CARD10: variants seen among roughly 807,000 people sequenced by gnomAD.
CARD10 encodes the protein caspase recruitment domain-containing protein 10.
Under a neutral mutation model 114.6 loss-of-function variants are expected in CARD10, and 49 were observed. That is an observed-to-expected ratio of 0.43 (90% CI 0.34 to 0.54). The LOEUF (loss-of-function observed/expected upper bound fraction) is 0.54. Among genes scored for constraint, CARD10 ranks in the 20% least tolerant of loss-of-function variants. The pLI, the probability that CARD10 is intolerant of heterozygous loss-of-function variation, is 0.03. For synonymous variants in CARD10, 602 were observed against 593.2 expected (o/e 1.01, Z -0.21); for missense variants, 1,206 against 1,397.2 (o/e 0.86, Z 2.18).
intron 6 of CARD10, among the ~76,000 whole-genome samples, chr22:37,506,914 A>G (rs921863828): frequency 1.3e-5 from 2 of 152,236 alleles, no homozygotes; most frequent in Non-Finnish European, 2.9e-5. Flanking sequence ...CACCTGAATC[A>G]GAACGTCCAG....
At position 37,501,470 on chromosome 22, in the gene CARD10, G is replaced by A. The variant is rs986359892; in HGVS notation, c.1787+1132C>T. Reference sequence around the variant, plus strand: ...ATGTCTCGCTGAGCCCACTGCCGGGGGCCAGGTGGGGGCAGGGCCTGGACA... The same window carrying A: ...ATGTCTCGCTGAGCCCACTGCCGGGAGCCAGGTGGGGGCAGGGCCTGGACA... On this transcript the variant is annotated intron_variant, in intron 11 of 19. Coordinates refer to ENST00000251973, the MANE Select transcript of CARD10 (RefSeq NM_014550.4). The surrounding 1 kb of genome is among the most constrained non-coding windows in gnomAD (Gnocchi z 5.4). Among the ~76,000 whole-genome samples the A allele has an allele frequency of 6.6e-6, 1 of 152,310 alleles. No individual in the cohort carries two copies. Among genetic ancestry groups the A allele is most frequent in the Admixed American group, 6.5e-5 (1 of 15,308 alleles).
intron 7 of CARD10, among the ~76,000 whole-genome samples, chr22:37,504,999 A>G (rs1923356244): frequency 6.6e-6 from 1 of 151,970 alleles, no homozygotes; most frequent in African/African-American, 2.4e-5. Context: ...ACACACAAAG[A>G]CCCCACCCAG....
Position 37,495,827 on chromosome 22 carries a change from A to G in CARD10, c.2236T>C (p.Phe746Leu). ...GTGAGGGGGTCAACCCGGGTGCAGA[A>G]CCATTCCTGCCTCCGCTTGTATGCC... is the stretch of plus-strand genomic sequence containing the variant. ...DSAYKRRQEW[F>L]CTRVDPLTLR... The change falls in exon 14 of 20, where the codon TTC (phenylalanine) becomes CTC (leucine). Residue 746 changes from phenylalanine to leucine, a missense_variant. Physicochemically the swap from Phe to Leu is conservative, Grantham distance 22 (BLOSUM62 0). Coordinates refer to ENST00000251973, the MANE Select transcript of CARD10 (RefSeq NM_014550.4). The G allele has an allele frequency of 6.2e-7, 1 of 1,613,992 alleles. No homozygotes were observed. Among genetic ancestry groups the G allele is most frequent in the African/African-American group, 1.3e-5 (1 of 75,046 alleles).
At chr22:37,517,597 G>A (rs1167017138) in intron 2 of CARD10, among the ~76,000 whole-genome samples, 2 of 151,962 alleles carry the variant, frequency 1.3e-5, no homozygotes, top group African/African-American at 2.4e-5. Flanking sequence ...AGCTGAGATC[G>A]CGCCACTGCA....
chr22:37,516,479 G>T (rs533934245), intron 2 of CARD10, among the ~76,000 whole-genome samples, 181 bp from the exon 3 acceptor site: 16 of 152,188 alleles, frequency 1.1e-4, no homozygotes, highest in African/African-American at 3.9e-4. Flanking sequence ...AGTTATAAGA[G>T]AAAAAAGATG....
At position 37,493,783 on chromosome 22, in the gene CARD10, C is replaced by T. The variant is rs558148667; in HGVS notation, c.2476+303G>A. On this transcript the variant is annotated intron_variant, in intron 16 of 19. Transcript: ENST00000251973. ...TCCTCACAGCACCTGCCACCACACA[C>T]GTGTGAGAAGCACCACTACACACAC... 5.9e-5 allele frequency among the ~76,000 whole-genome samples: 9 copies of T among 152,326 alleles called. No individual in the cohort carries two copies. In the South Asian group the frequency reaches 1.0e-3, roughly 18 times the overall value.
chr22:37,497,660 G>A (rs913141951), intron 11 of CARD10, among the ~76,000 whole-genome samples: 1 of 152,010 alleles, frequency 6.6e-6, no homozygotes, highest in African/African-American at 2.4e-5. Context: ...TCAGGAGTTC[G>A]AGACCAGCCT....
In CARD10 at chr22:37,495,885, C is replaced by T. The variant is rs1332610568; in HGVS notation, c.2178G>A (p.Val726=). 6 of 1,614,050 alleles carry T rather than the reference C, an allele frequency of 3.7e-6. No individual in the cohort carries two copies. The African/African-American group carries it at 4.0e-5, about 11-fold the overall frequency. Reference sequence around the variant, plus strand: ...CCAGTCGAAGGATCTCTTGGGCTTTCACGCAAAGGGCATGGGGATCTGCCC... The same window carrying T: ...CCAGTCGAAGGATCTCTTGGGCTTTTACGCAAAGGGCATGGGGATCTGCCC... ...PERADPHALC[V]KAQEILRLVD... The change falls in exon 14 of 20, where the codon GTG becomes GTA. Residue 726 remains valine, a synonymous_variant. Coordinates refer to ENST00000251973, the MANE Select transcript of CARD10 (RefSeq NM_014550.4).
intron 10 of CARD10, 70 bp downstream of exon 10, chr22:37,503,115 C>T: frequency 4.0e-6 from 6 of 1,513,412 alleles, no homozygotes; most frequent in Non-Finnish European, 5.5e-6. Context: ...GTGGTGCAGG[C>T]TTCAGGTGGG....
At chr22:37,506,161 G>T (rs758776360) in intron 7 of CARD10, 31 bp downstream of exon 7, 1 of 1,420,164 alleles carries the variant, frequency 7.0e-7, no homozygotes, top group Non-Finnish European at 9.2e-7. Context: ...CAGCCTTCCT[G>T]CCAGGACCTC....
rs1484653307 is a variant in CARD10, at chr22:37,510,299, T to C, written c.822A>G (p.Pro274=). Residue 274 remains proline, a synonymous_variant, in exon 4 of 20, where the codon CCA becomes CCG. Transcript: ENST00000251973. ...GCTCAGAGACAAGGTCCACATTGTC[T>C]GGCTCCTTCTCCTTCTCCTTCTCCT... ...KEKEKEKEKE[P]DNVDLVSELR... 6.3e-7 allele frequency: 1 copy of C among 1,584,160 alleles called. No individual in the cohort carries two copies.
Position 37,519,343 on chromosome 22 carries a change from C to T in CARD10, c.-143G>A. The T allele has an allele frequency of 7.6e-7, 1 of 1,309,614 alleles. No homozygotes were observed. The highest frequency in any genetic ancestry group is 9.7e-7 in the Non-Finnish European group (1 of 1,031,548). 81.1% of individuals were successfully genotyped at this position (1,309,614 alleles called of 1,614,324 possible). A position where few individuals can be genotyped will look rare whatever the true frequency, so the allele number is the denominator to read the frequency against. ...GCGCCCCGAGCTCCCCGCGACTCACCCCGCACGCTACAGTCGCCTCGGGCT... is the reference window on the plus strand; with the variant it reads ...GCGCCCCGAGCTCCCCGCGACTCACTCCGCACGCTACAGTCGCCTCGGGCT... On this transcript the variant is annotated 5_prime_UTR_variant, in exon 1 of 20. Coordinates refer to ENST00000251973, the MANE Select transcript of CARD10 (RefSeq NM_014550.4). This position sits in a 1 kb window ranked among gnomAD's most constrained non-coding sequence, Gnocchi z 4.1.
intron 11 of CARD10, 159 bp from the exon 12 acceptor site, chr22:37,497,337 C>T: frequency 1.5e-6 from 1 of 687,436 alleles, no homozygotes; most frequent in Non-Finnish European, 2.4e-6. Context: ...CCTTCTCCAC[C>T]TGGGAAATGC....
rs1385292687 is a variant in CARD10, at chr22:37,518,865, C to T, written c.235+101G>A. The T allele has an allele frequency of 9.5e-6, 13 of 1,370,002 alleles. No homozygotes were observed. In the East Asian group the frequency reaches 3.6e-4, roughly 38 times the overall value. 84.9% of individuals were successfully genotyped at this position (1,370,002 alleles called of 1,614,324 possible). On this transcript the variant is annotated intron_variant, in intron 1 of 19. Transcript: ENST00000251973. Reference sequence around the variant, plus strand: ...ACTCTACTGATGCGGAGACCGAGCCCCAGGGCAGCAGAGCCCTAGCTTCGC... The same window carrying T: ...ACTCTACTGATGCGGAGACCGAGCCTCAGGGCAGCAGAGCCCTAGCTTCGC...
chr22:37,506,086 T>A, intron 7 of CARD10, 106 bp downstream of exon 7: 4 of 877,090 alleles, frequency 4.6e-6, no homozygotes, highest in Non-Finnish European at 6.5e-6. Flanking sequence ...CTTCCTCCCC[T>A]GGCTGAGGTC....
rs2145748471 is a variant in CARD10 at position 37,491,299 on chromosome 22, C to T, written c.2959G>A (p.Val987Met). The part of the protein sequence containing the change: ...QVLWGLPCSW[V>M]QVPAHEWGHA... ...CCCCACTCATGGGCGGGCACCTGCACCCAGGAGCAGGGCAGCCCCCAGAGC... is the reference window on the plus strand; with the variant it reads ...CCCCACTCATGGGCGGGCACCTGCATCCAGGAGCAGGGCAGCCCCCAGAGC... The change falls in exon 20 of 20, where the codon GTG (valine) becomes ATG (methionine). Residue 987 changes from valine (V) to methionine (M), a missense_variant. Around this residue, in one of 2 missense-constraint regions of CARD10, gnomAD observed 1,068 missense variants for 1,179.1 expected, o/e 0.91. Coordinates refer to ENST00000251973, the MANE Select transcript of CARD10 (RefSeq NM_014550.4). The T allele has an allele frequency of 6.4e-6, 10 of 1,567,794 alleles. No homozygotes were observed. Among genetic ancestry groups the T allele is most frequent in the Non-Finnish European group, 8.6e-6 (10 of 1,162,876 alleles).
Position 37,506,301 on chromosome 22 carries a change from C to A in CARD10, c.1274G>T (p.Gly425Val), listed in dbSNP as rs1332998819. Residue 425 changes from glycine to valine, a missense_variant, in exon 7 of 20, where the codon GGC becomes GTC. Coordinates refer to ENST00000251973, the MANE Select transcript of CARD10 (RefSeq NM_014550.4). Reference sequence around the variant, plus strand: ...CAGCTCATCCCGCTCCGCCTCCAGGCCCCGCACCTGCTTGCGGTACTGGTC... The same window carrying A: ...CAGCTCATCCCGCTCCGCCTCCAGGACCCGCACCTGCTTGCGGTACTGGTC... ...EKDQYRKQVR[G>V]LEAERDELLT... is the part of the protein sequence containing the mutation. 3 of 1,610,998 alleles carry A rather than the reference C, an allele frequency of 1.9e-6. No individual in the cohort carries two copies. Among genetic ancestry groups the A allele is most frequent in the African/African-American group, 2.7e-5 (2 of 75,034 alleles).
chr22:37,506,156 T>C (rs1923398274), intron 7 of CARD10, 36 bp downstream of exon 7: 1 of 1,406,464 alleles, frequency 7.1e-7, no homozygotes, highest in Non-Finnish European at 9.2e-7. Flanking sequence ...GACCCCAGCC[T>C]TCCTGCCAGG....
intron 3 of CARD10, among the ~76,000 whole-genome samples, chr22:37,514,987 G>A (rs780121359): frequency 3.3e-5 from 5 of 152,224 alleles, no homozygotes; most frequent in Admixed American, 6.5e-5. Flanking sequence ...GGGAGTAGGC[G>A]GAACAGCAGC....
Sources: allele counts gnomAD v4.1 joint callset (sites outside exome capture counted in the v4.1 genomes callset), GRCh38; gene constraint gnomAD v4.1.1; regional missense constraint gnomAD v4.1.1; non-coding constraint Gnocchi (gnomAD v3.1); transcripts MANE v1.5; gene names NCBI Gene and HGNC (gene_info 2026-07-23, HGNC 2026-07-21).